The following PCDH9 variants were observed in gnomAD, a reference collection of about 807,000 sequenced individuals.
The protein encoded by PCDH9 is protocadherin-9.
Under a neutral mutation model 70.6 loss-of-function variants are expected in PCDH9, and 24 were observed. The observed-to-expected ratio is 0.34, with a 90% CI of 0.25 to 0.48. PCDH9 has a LOEUF of 0.48. Ranked by LOEUF, PCDH9 falls within the 20% of genes least tolerant of loss-of-function variation. The probability of loss-of-function intolerance (pLI) is 0.99; values close to 1 mark genes in which losing one functional copy is unlikely to be tolerated. For missense variants in PCDH9, 1,281 were observed against 1,503.6 expected (o/e 0.85, Z 2.45); for synonymous variants, 562 against 558.5 (o/e 1.01, Z -0.09).
At chr13:66,890,151 A>G (rs1817705414) in intron 3 of PCDH9, among the ~76,000 whole-genome samples, 2 of 152,178 alleles carry the variant, frequency 1.3e-5, no homozygotes, top group Non-Finnish European at 2.9e-5. Flanking sequence ...TGTTCTCTAC[A>G]TGGAAAAGAA....
At chr13:66,667,243 G>A (rs1287967076) in intron 3 of PCDH9, among the ~76,000 whole-genome samples, 1 of 152,094 alleles carries the variant, frequency 6.6e-6, no homozygotes, top group Non-Finnish European at 1.5e-5. Flanking sequence ...GAGAGGGATG[G>A]AAAGAAAGGA....
intron 2 of PCDH9, among the ~76,000 whole-genome samples, chr13:67,145,346 T>C (rs534320773): frequency 1.3e-5 from 2 of 152,168 alleles, no homozygotes; most frequent in East Asian, 1.9e-4. Context: ...TCAAGTGTTC[T>C]GAATTAATTA....
At chr13:66,905,392 G>A (rs1305826895) in intron 2 of PCDH9, among the ~76,000 whole-genome samples, 1 of 152,108 alleles carries the variant, frequency 6.6e-6, no homozygotes, top group Non-Finnish European at 1.5e-5. Flanking sequence ...CACCCTGACT[G>A]TATATTAGAA....
chr13:67,068,341 A>G (rs1468993169), intron 2 of PCDH9, among the ~76,000 whole-genome samples: 1 of 152,030 alleles, frequency 6.6e-6, no homozygotes, highest in Non-Finnish European at 1.5e-5. Context: ...GCAGTGATCA[A>G]CAAAAGTTAG....
intron 2 of PCDH9, among the ~76,000 whole-genome samples, chr13:67,091,187 G>T (rs1242232058): frequency 2.0e-5 from 3 of 151,924 alleles, no homozygotes; most frequent in African/African-American, 7.3e-5. Context: ...ATTTAAATGA[G>T]TTCTACATCC....
chr13:66,690,597 C>T (rs1050820620), intron 3 of PCDH9, among the ~76,000 whole-genome samples: 8 of 151,992 alleles, frequency 5.3e-5, no homozygotes, highest in Non-Finnish European at 8.8e-5. Context: ...CCATAGCACA[C>T]GTGGTATGTC....
chr13:66,738,713 G>A (rs576464921), intron 3 of PCDH9, among the ~76,000 whole-genome samples: 81 of 150,504 alleles, frequency 5.4e-4, no homozygotes, highest in Non-Finnish European at 4.4e-4. Context: ...CTCAGGAGCC[G>A]ATGAGATCAA....
At chr13:66,529,894 A>G (rs1960375562) in intron 4 of PCDH9, among the ~76,000 whole-genome samples, 1 of 150,650 alleles carries the variant, frequency 6.6e-6, no homozygotes, top group Admixed American at 6.6e-5. Flanking sequence ...AAAAAAAAGC[A>G]CTTATCTGTT....
At chr13:66,568,945 G>T (rs2076692599) in intron 4 of PCDH9, among the ~76,000 whole-genome samples, 1 of 149,446 alleles carries the variant, frequency 6.7e-6, no homozygotes, top group Admixed American at 6.7e-5. Context: ...TAGTATGAAA[G>T]GTTCGTATAT....
intron 3 of PCDH9, among the ~76,000 whole-genome samples, chr13:66,873,048 T>C (rs975021371): frequency 7.2e-5 from 11 of 152,276 alleles, no homozygotes; most frequent in African/African-American, 2.2e-4. Flanking sequence ...TGTATATAGA[T>C]GCATTTGTAA....
chr13:66,730,815 T>G (rs1166258186), intron 3 of PCDH9, among the ~76,000 whole-genome samples: 1 of 150,618 alleles, frequency 6.6e-6, no homozygotes, highest in Non-Finnish European at 1.5e-5. Context: ...AGTAAGTAAG[T>G]CTAAAGGAAC....
At chr13:67,194,856 AC>A (rs1213304123) in intron 2 of PCDH9, among the ~76,000 whole-genome samples, 16 of 152,184 alleles carry the variant, frequency 1.1e-4, no homozygotes, top group South Asian at 6.2e-4. Flanking sequence ...TAGGAACAAA[AC>A]AAAATAAAAC....
At chr13:66,819,325 G>A (rs199811968) in intron 3 of PCDH9, among the ~76,000 whole-genome samples, 12 of 147,922 alleles carry the variant, frequency 8.1e-5, no homozygotes, top group Admixed American at 6.7e-5. Context: ...TTGATGAGGA[G>A]AAAAAAAAAA....
chr13:66,793,355 A>G (rs2080191055), intron 3 of PCDH9, among the ~76,000 whole-genome samples: 1 of 152,168 alleles, frequency 6.6e-6, no homozygotes, highest in African/African-American at 2.4e-5. Flanking sequence ...TGGTAAGAAC[A>G]TACAGTCTAG....
intron 4 of PCDH9, among the ~76,000 whole-genome samples, chr13:66,464,725 G>A (rs1001854785): frequency 1.3e-5 from 2 of 151,878 alleles, no homozygotes; most frequent in African/African-American, 2.4e-5. Flanking sequence ...ACTATTTGCA[G>A]GAAAGTGCAT....
intron 4 of PCDH9, among the ~76,000 whole-genome samples, chr13:66,476,813 G>A (rs144626369): frequency 3.3e-4 from 50 of 152,116 alleles, no homozygotes; most frequent in Admixed American, 6.6e-4. Context: ...GAGGAAGGGA[G>A]GTATAATGTT....
intron 2 of PCDH9, among the ~76,000 whole-genome samples, chr13:67,081,967 T>C (rs954755406): frequency 1.3e-5 from 2 of 152,194 alleles, no homozygotes; most frequent in Non-Finnish European, 2.9e-5. Context: ...ATTCAATGCA[T>C]ACAACTTAAT....
In PCDH9 at chr13:66,512,282, T is replaced by TTATATATATATATATATATA. The variant is rs35496834; in HGVS notation, c.3340+118908_3340+118927dup. On this transcript the variant is annotated intron_variant, in intron 4 of 4. Coordinates refer to ENST00000377865, the MANE Select transcript of PCDH9 (RefSeq NM_203487.3). ...AAAATATATACAGATACCTTAGGAA[T>TTATATATATATATATATATA]TATATATATATATATATATATACAC... is the stretch of plus-strand genomic sequence containing the variant. 1.0e-3 allele frequency among the ~76,000 whole-genome samples: 148 copies of TTATATATATATATATATATA among 144,336 alleles called. 1 individual carries two copies. The East Asian group carries it at 0.012, about 12-fold the overall frequency. 94.7% of individuals were successfully genotyped at this position (144,336 alleles called of 152,430 possible).
intron 3 of PCDH9, among the ~76,000 whole-genome samples, chr13:66,865,029 T>C (rs1021090750): frequency 6.6e-6 from 1 of 152,198 alleles, no homozygotes; most frequent in Non-Finnish European, 1.5e-5. Context: ...TCTCATTAAG[T>C]TTTGCAAATA....
Sources: gnomAD v4.1 joint callset for allele counts (sites outside exome capture counted in the v4.1 genomes callset) on GRCh38, gnomAD v4.1.1 for gene constraint, MANE v1.5 for transcripts, NCBI Gene and HGNC (gene_info 2026-07-23, HGNC 2026-07-21) for gene names.